CCDC148: variants seen among roughly 807,000 people sequenced by gnomAD.
The protein encoded by CCDC148 is coiled-coil domain containing 148.
In CCDC148, 89 loss-of-function variants were observed where a neutral mutation model predicts 85.7. The observed-to-expected ratio is 1.04, with a 90% CI of 0.87 to 1.24. CCDC148 has a LOEUF of 1.24. CCDC148 is among the 50% of genes most tolerant of loss of function. CCDC148 has a pLI of 0.00. For missense variants in CCDC148, 692 were observed against 671.7 expected, an observed-to-expected ratio of 1.03 and a Z score of -0.33; for synonymous variants, 230 against 213.9, an observed-to-expected ratio of 1.08 and a Z score of -0.66.
intron 9 of CCDC148, among the ~76,000 whole-genome samples, chr2:158,280,727 A>T (rs1690242689): frequency 6.6e-6 from 1 of 152,182 alleles, no homozygotes; most frequent in East Asian, 1.9e-4. Context: ...ACGAGACAGA[A>T]AGTCAACAAG....
chr2:158,258,775 G>T (rs552971981), intron 9 of CCDC148, among the ~76,000 whole-genome samples: 2 of 151,774 alleles, frequency 1.3e-5, no homozygotes, highest in African/African-American at 4.8e-5. Context: ...TCTCTCTACT[G>T]AGGCCAGACT....
chr2:158,409,341 C>T (rs1398150906), intron 1 of CCDC148, among the ~76,000 whole-genome samples: 1 of 152,170 alleles, frequency 6.6e-6, no homozygotes, highest in Non-Finnish European at 1.5e-5. Flanking sequence ...GGGTCTATAT[C>T]CTACAAAGCC....
intron 9 of CCDC148, among the ~76,000 whole-genome samples, chr2:158,294,484 A>C (rs1691074432): frequency 6.6e-6 from 1 of 152,262 alleles, no homozygotes; most frequent in South Asian, 2.1e-4. Flanking sequence ...TGTGTGTTTA[A>C]TAGTATAAGG....
At chr2:158,398,679 T>C (rs913031872) in intron 1 of CCDC148, among the ~76,000 whole-genome samples, 1 of 152,030 alleles carries the variant, frequency 6.6e-6, no homozygotes, top group South Asian at 2.1e-4. Context: ...GCAGGAAAGA[T>C]CTAAAATCGA....
At chr2:158,450,229 T>C (rs1275009609) in intron 1 of CCDC148, among the ~76,000 whole-genome samples, 1 of 152,216 alleles carries the variant, frequency 6.6e-6, no homozygotes, top group East Asian at 1.9e-4. Flanking sequence ...TTAATAACCT[T>C]CTTTCTACCT....
At chr2:158,236,491 A>G (rs1363728645) in intron 10 of CCDC148, among the ~76,000 whole-genome samples, 1 of 152,130 alleles carries the variant, frequency 6.6e-6, no homozygotes, top group Non-Finnish European at 1.5e-5. Context: ...CTCTCTTTTC[A>G]CTATTCATTA....
chr2:158,200,806 T>C (rs1685918410), intron 11 of CCDC148, among the ~76,000 whole-genome samples: 1 of 152,222 alleles, frequency 6.6e-6, no homozygotes, highest in African/African-American at 2.4e-5. Flanking sequence ...TACTTGGTTC[T>C]GTGTAAATGT....
At chr2:158,218,353 A>C (rs1035202644) in intron 11 of CCDC148, among the ~76,000 whole-genome samples, 1 of 152,198 alleles carries the variant, frequency 6.6e-6, no homozygotes, top group Admixed American at 6.5e-5. Context: ...GTCAAGACTA[A>C]AACCTTGGTC....
At chr2:158,206,223 T>G (rs986381851) in intron 11 of CCDC148, among the ~76,000 whole-genome samples, 2 of 152,190 alleles carry the variant, frequency 1.3e-5, no homozygotes, top group Non-Finnish European at 2.9e-5. Context: ...TCCAATGAGC[T>G]GGGTGTCACT....
At chr2:158,322,896 G>T (rs1692584872) in intron 7 of CCDC148, among the ~76,000 whole-genome samples, 1 of 152,006 alleles carries the variant, frequency 6.6e-6, no homozygotes, top group Non-Finnish European at 1.5e-5. Flanking sequence ...CTATAAAGTA[G>T]AAATTACTTG....
chr2:158,361,116 G>A (rs1683924782), intron 1 of CCDC148, among the ~76,000 whole-genome samples: 1 of 151,738 alleles, frequency 6.6e-6, no homozygotes, highest in Admixed American at 6.6e-5. Flanking sequence ...GTGAAGACAA[G>A]ATTAGAGAAA....
At chr2:158,235,230 A>G (rs1688048609) in intron 10 of CCDC148, among the ~76,000 whole-genome samples, 1 of 152,230 alleles carries the variant, frequency 6.6e-6, no homozygotes, top group Admixed American at 6.5e-5. Flanking sequence ...AAGGAAATTA[A>G]TATTTGGGAG....
intron 1 of CCDC148, among the ~76,000 whole-genome samples, chr2:158,390,564 C>T (rs1342845384): frequency 2.6e-5 from 4 of 152,086 alleles, no homozygotes; most frequent in Non-Finnish European, 5.9e-5. Flanking sequence ...AAACTTGAGG[C>T]CAAAGAAAGC....
At chr2:158,399,519 CA>C (rs1156970809) in intron 1 of CCDC148, among the ~76,000 whole-genome samples, 2 of 152,002 alleles carry the variant, frequency 1.3e-5, no homozygotes, top group Non-Finnish European at 2.9e-5. Context: ...GAACCAACGA[CA>C]AAAAACACAT....
rs188671479 is a variant in CCDC148 at position 158,258,390 on chromosome 2, C to T, written c.1111-7478G>A. Reference sequence around the variant, plus strand: ...CAGTCTTTCTTCCTTCTGCAATCAACTCAGAAGCACAGCATAGATGAGAAA... The same window carrying T: ...CAGTCTTTCTTCCTTCTGCAATCAATTCAGAAGCACAGCATAGATGAGAAA... On this transcript the variant is annotated intron_variant, in intron 9 of 13. Coordinates refer to ENST00000283233, the MANE Select transcript of CCDC148 (RefSeq NM_138803.4). 2.6e-5 allele frequency among the ~76,000 whole-genome samples: 4 copies of T among 151,966 alleles called. No homozygotes were observed. The East Asian group carries it at 7.8e-4, about 29-fold the overall frequency.
intron 9 of CCDC148, among the ~76,000 whole-genome samples, chr2:158,284,104 C>T (rs1224302284): frequency 7.8e-6 from 1 of 128,050 alleles, no homozygotes; most frequent in Non-Finnish European, 1.6e-5. Flanking sequence ...GGAAGGGGAA[C>T]ATCACACTCT....
intron 1 of CCDC148, among the ~76,000 whole-genome samples, chr2:158,410,450 C>T (rs1390965445): frequency 6.6e-6 from 1 of 151,996 alleles, no homozygotes; most frequent in Non-Finnish European, 1.5e-5. Flanking sequence ...TTCTTGATGT[C>T]TTTTTTTGTT....
chr2:158,223,855 C>T (rs575814686), intron 10 of CCDC148, among the ~76,000 whole-genome samples: 10 of 152,254 alleles, frequency 6.6e-5, no homozygotes, highest in African/African-American at 1.9e-4. Flanking sequence ...GTAGATAAAA[C>T]CACAAAGATG....
At chr2:158,326,266 T>A (rs2105226064) in intron 7 of CCDC148, among the ~76,000 whole-genome samples, 1 of 152,256 alleles carries the variant, frequency 6.6e-6, no homozygotes. Flanking sequence ...AACCCCGTCT[T>A]AACTTTTATG....
Sources: gnomAD v4.1 joint callset for allele counts (sites outside exome capture counted in the v4.1 genomes callset) on GRCh38, gnomAD v4.1.1 for gene constraint, MANE v1.5 for transcripts, NCBI Gene and HGNC (gene_info 2026-07-23, HGNC 2026-07-21) for gene names.